Variants in PDGFRB observed in about 807,000 individuals in gnomAD.
PDGFRB encodes platelet-derived growth factor receptor beta.
In PDGFRB, 42 loss-of-function variants were observed where a neutral mutation model predicts 120.2. The ratio of observed to expected loss-of-function variants is 0.35; its 90% CI spans 0.27 to 0.45. The LOEUF is 0.45. Among genes scored for constraint, PDGFRB ranks in the 20% least tolerant of loss-of-function variants. The pLI is 1.00. For missense variants in PDGFRB, 1,149 were observed against 1,476.3 expected (o/e 0.78, Z 3.63); for synonymous variants, 586 against 606.8 (o/e 0.97, Z 0.50).
chr5:150,133,011 G>T, intron 6 of PDGFRB, 69 bp from the exon 7 acceptor site: 3 of 1,126,818 alleles, frequency 2.7e-6, no homozygotes, highest in Non-Finnish European at 1.3e-6. Flanking sequence ...AAGGAGGCCA[G>T]CCTGTGGGGT....
rs1270152563 is a variant in PDGFRB, at chr5:150,132,062, T to C, written c.1160A>G (p.Lys387Arg). 1 of 1,610,470 alleles carries C rather than the reference T, an allele frequency of 6.2e-7. No individual in the cohort carries two copies. Among genetic ancestry groups the C allele is most frequent in the Non-Finnish European group, 8.5e-7 (1 of 1,176,850 alleles). Residue 387 changes from lysine (K) to arginine (R), a missense_variant, in exon 8 of 23, where the codon AAG becomes AGG. Coordinates refer to ENST00000261799, the MANE Select transcript of PDGFRB (RefSeq NM_002609.4). The surrounding 1 kb of genome is among the most constrained non-coding windows in gnomAD (Gnocchi z 5.0). The part of the protein sequence containing the change: ...YVSELTLVRV[K>R]VAEAGHYTMR... The stretch of plus-strand genomic sequence containing the variant: ...GGTGTAGTGGCCAGCCTCTGCCACC[T>C]TCACGCGAACCAGTGTCAGCTCTGA...
At chr5:150,124,408 T>C in intron 13 of PDGFRB, 48 bp from the exon 14 acceptor site, 1 of 1,342,990 alleles carries the variant, frequency 7.4e-7, no homozygotes. Flanking sequence ...GGAGGCTCCA[T>C]GGAGGCCCCA....
chr5:150,117,779 C>T lies in PDGFRB; in HGVS notation c.2976G>A (p.Leu992=), dbSNP rs201769526. 5.0e-6 allele frequency: 8 copies of T among 1,613,982 alleles called. No homozygotes were observed. The Admixed American group carries it at 1.3e-4, about 27-fold the overall frequency. ...HPAILRSQAR[L]PGFHGLRSPL... is the part of the protein sequence containing the mutation. The stretch of plus-strand genomic sequence containing the variant: ...GAGATCGGAGGCCATGGAACCCAGG[C>T]AAGCGGGCCTGGGACCGAAGGATGG... Residue 992 remains leucine (L), a synonymous_variant, in exon 22 of 23, where the codon TTG becomes TTA. Coordinates refer to ENST00000261799, the MANE Select transcript of PDGFRB (RefSeq NM_002609.4).
intron 10 of PDGFRB, among the ~76,000 whole-genome samples, chr5:150,126,993 C>T (rs1355354851): frequency 1.3e-5 from 2 of 152,208 alleles, no homozygotes; most frequent in Admixed American, 6.5e-5. Context: ...GCTTACCTCT[C>T]CTCTGAGTCC....
At position 150,115,322 on chromosome 5, in the gene PDGFRB, C is replaced by T. The variant is rs767207311; in HGVS notation, c.*441G>A. 6 of 233,680 alleles carry T rather than the reference C, an allele frequency of 2.6e-5. No individual in the cohort carries two copies. Among genetic ancestry groups the T allele is most frequent in the Non-Finnish European group, 5.1e-5 (6 of 118,468 alleles). 14.5% of individuals were successfully genotyped at this position (233,680 alleles called of 1,614,324 possible). On this transcript the variant is annotated 3_prime_UTR_variant, in exon 23 of 23. Coordinates refer to ENST00000261799, the MANE Select transcript of PDGFRB (RefSeq NM_002609.4). ...CCTAGCTCCTGGGTGGATAAAAGTG[C>T]GAGGAGAGAGCTATGATTCCTTGAG...
chr5:150,135,493 C>T (rs887114336), intron 3 of PDGFRB, 62 bp downstream of exon 3: 110 of 1,047,960 alleles, frequency 1.0e-4, no homozygotes, highest in Non-Finnish European at 1.5e-4. Flanking sequence ...CTCTGGACTT[C>T]CCCTGATGCC....
At chr5:150,151,491 C>A (rs1761075979) in intron 1 of PDGFRB, among the ~76,000 whole-genome samples, 1 of 152,212 alleles carries the variant, frequency 6.6e-6, no homozygotes, top group African/African-American at 2.4e-5. Flanking sequence ...CACCCAGGTG[C>A]AAATCCCAGC....
At chr5:150,151,971 C>T (rs1019585370) in intron 1 of PDGFRB, among the ~76,000 whole-genome samples, 1 of 151,404 alleles carries the variant, frequency 6.6e-6, no homozygotes, top group African/African-American at 2.4e-5. Flanking sequence ...CTTGCCCTGT[C>T]GCTTAGGCTC....
In PDGFRB at chr5:150,133,934, T is replaced by A; in HGVS notation, c.706A>T (p.Ile236Phe). The A allele has an allele frequency of 6.2e-7, 1 of 1,613,888 alleles. No homozygotes were observed. The change falls in exon 5 of 23, where the codon ATT becomes TTT. Residue 236 changes from isoleucine to phenylalanine, a missense_variant. This residue lies in a region of PDGFRB where 879 missense variants were observed against 1,108.6 expected (regional missense o/e 0.79). Coordinates refer to ENST00000261799, the MANE Select transcript of PDGFRB (RefSeq NM_002609.4). ...RQGENITLMCIVIGNEVVNFE... is the reference protein window; with the variant it reads ...RQGENITLMCFVIGNEVVNFE... Reference sequence around the variant, plus strand: ...TTGACCACCTCATTCCCGATCACAATGCACATGAGGGTGATGTTCTCACCC... The same window carrying A: ...TTGACCACCTCATTCCCGATCACAAAGCACATGAGGGTGATGTTCTCACCC...
rs41287108 is a variant in PDGFRB, at chr5:150,120,951, C to T, written c.2523G>A (p.Lys841=). The stretch of plus-strand genomic sequence containing the variant: ...CTCGAGCCAGGCCAAAGTCACAGAT[C>T]TTGACCAGCTTGCCTTCACAGATGA... The part of the protein sequence containing the change: ...NVLICEGKLV[K]ICDFGLARDI... Residue 841 remains lysine, a synonymous_variant, in exon 18 of 23, where the codon AAG becomes AAA. Coordinates refer to ENST00000261799, the MANE Select transcript of PDGFRB (RefSeq NM_002609.4). The surrounding 1 kb of genome is among the most constrained non-coding windows in gnomAD (Gnocchi z 4.3). 5,534 of 1,613,974 alleles carry T rather than the reference C, an allele frequency of 3.4e-3. 29 individuals are homozygous for T. The highest frequency in any genetic ancestry group is 0.01 in the Middle Eastern group (62 of 6,062).
At position 150,132,923 on chromosome 5, in the gene PDGFRB, G is replaced by A. The variant is rs1760511069; in HGVS notation, c.954C>T (p.Leu318=). 6.4e-7 allele frequency: 1 copy of A among 1,568,212 alleles called. No homozygotes were observed. Among genetic ancestry groups the A allele is most frequent in the Non-Finnish European group, 8.6e-7 (1 of 1,157,758 alleles). Residue 318 remains leucine (L), a synonymous_variant, in exon 7 of 23, where the codon CTC becomes CTT. Transcript: ENST00000261799. The surrounding 1 kb of genome is among the most constrained non-coding windows in gnomAD (Gnocchi z 5.0). ...ATTGTAGTGTGCCCACCTCTCCCAG[G>A]AGCCGCACGTAGCCGCTCTCTGCAA... ...ITVVESGYVR[L]LGEVGTLQFA...
At position 150,132,644 on chromosome 5, in the gene PDGFRB, T is replaced by G; in HGVS notation, c.1127+106A>C. ...CATCCCCAGCACCTGGCACCTAATA[T>G]GCTCTCAGAAAGCTGGGCCTAGGTT... On this transcript the variant is annotated intron_variant, in intron 7 of 22. Coordinates refer to ENST00000261799, the MANE Select transcript of PDGFRB (RefSeq NM_002609.4). This position sits in a 1 kb window ranked among gnomAD's most constrained non-coding sequence, Gnocchi z 5.0. The G allele has an allele frequency of 9.4e-7, 1 of 1,060,796 alleles. No individual in the cohort carries two copies. The highest frequency in any genetic ancestry group is 1.4e-6 in the Non-Finnish European group (1 of 737,976). The allele number at this position is 1,060,796 out of a possible 1,614,324, so 65.7% of individuals were successfully genotyped here.
At position 150,120,191 on chromosome 5, in the gene PDGFRB, G is replaced by T. The variant is rs1760087349; in HGVS notation, c.2587-68C>A. On this transcript the variant is annotated intron_variant, in intron 18 of 22. Transcript: ENST00000261799. This position sits in a 1 kb window ranked among gnomAD's most constrained non-coding sequence, Gnocchi z 4.3. ...TCAGCCCCACTCTGCACCTGGGATG[G>T]GAGGAGGGTATCTGGCAGCTCCCAC... The T allele has an allele frequency of 1.2e-5, 9 of 770,464 alleles. No homozygotes were observed. The highest frequency in any genetic ancestry group is 2.2e-5 in the Non-Finnish European group (9 of 416,764). 47.7% of individuals were successfully genotyped at this position (770,464 alleles called of 1,614,324 possible). A position where few individuals can be genotyped will look rare whatever the true frequency, so the allele number is the denominator to read the frequency against.
At position 150,115,766 on chromosome 5, in the gene PDGFRB, C is replaced by G. The variant is rs373320490; in HGVS notation, c.3318G>C (p.Leu1106=). The G allele has an allele frequency of 1.5e-5, 24 of 1,599,176 alleles. No homozygotes were observed. Among genetic ancestry groups the G allele is most frequent in the Non-Finnish European group, 2.0e-5 (23 of 1,172,156 alleles). ...APRAEAEDSF[L] ...GGGCAGGGTAGGGGCCAGCCCCCTA[C>G]AGGAAGCTATCCTCTGCTTCCGCCC... The change falls in exon 23 of 23, where the codon CTG becomes CTC. Residue 1106 remains leucine (L), a synonymous_variant. Coordinates refer to ENST00000261799, the MANE Select transcript of PDGFRB (RefSeq NM_002609.4).
chr5:150,130,665 G>A lies in PDGFRB; in HGVS notation c.1244-3C>T, dbSNP rs775069412. The A allele has an allele frequency of 6.8e-6, 11 of 1,612,872 alleles. No homozygotes were observed. In the Admixed American group the frequency reaches 1.8e-4, roughly 27 times the overall value. ...TAGCTCCAGCACTCGGACAGGGACT[G>A]CATGGAGAGAGCACTGAGTTAGGAG... On this transcript the variant is annotated splice_region_variant and splice_polypyrimidine_tract_variant and intron_variant, in intron 8 of 22. Transcript: ENST00000261799.
rs936705517 is a variant in PDGFRB, at chr5:150,121,181, T to C, written c.2463+23A>G. 1 of 1,191,428 alleles carries C rather than the reference T, an allele frequency of 8.4e-7. No homozygotes were observed. The highest frequency in any genetic ancestry group is 1.5e-5 in the African/African-American group (1 of 66,204). The allele number at this position is 1,191,428 out of a possible 1,614,324, so 73.8% of individuals were successfully genotyped here. On this transcript the variant is annotated intron_variant, in intron 17 of 22. Transcript: ENST00000261799. This position sits in a 1 kb window ranked among gnomAD's most constrained non-coding sequence, Gnocchi z 4.1. ...ACCCACCTCCCCACAGCCCCCACTC[T>C]GCCCCACCAACACCACACGTACGTT...
chr5:150,136,339 G>A (rs189581533), intron 2 of PDGFRB, among the ~76,000 whole-genome samples: 4 of 152,204 alleles, frequency 2.6e-5, no homozygotes, highest in African/African-American at 9.7e-5. Context: ...TAGCTCAGAG[G>A]GGGGCCAGAA....
At chr5:150,136,403 T>C (rs994679159) in intron 2 of PDGFRB, among the ~76,000 whole-genome samples, 7 of 151,836 alleles carry the variant, frequency 4.6e-5, no homozygotes, top group African/African-American at 1.7e-4. Flanking sequence ...GGTGTGTGTG[T>C]GTCAAGTGAT....
At chr5:150,116,379 G>A (rs1486408373) in intron 22 of PDGFRB, among the ~76,000 whole-genome samples, 4 of 152,120 alleles carry the variant, frequency 2.6e-5, no homozygotes, top group Non-Finnish European at 5.9e-5. Context: ...TTGGGAGGCC[G>A]AGGCAGGCGG....
Sources: allele counts gnomAD v4.1 joint callset (sites outside exome capture counted in the v4.1 genomes callset), GRCh38; gene constraint gnomAD v4.1.1; regional missense constraint gnomAD v4.1.1; non-coding constraint Gnocchi (gnomAD v3.1); transcripts MANE v1.5; gene names NCBI Gene and HGNC (gene_info 2026-07-23, HGNC 2026-07-21).